ADAMTSL1: variants seen among roughly 807,000 people sequenced by gnomAD.
The protein encoded by ADAMTSL1 is ADAMTS like 1, also known as ADAMTS-like protein 1.
ADAMTSL1 carries 126 observed loss-of-function variants against 201.8 expected under a neutral mutation model. That is an observed-to-expected ratio of 0.62 (90% CI 0.54 to 0.72). The LOEUF is 0.72. ADAMTSL1 is among the 30% of genes least tolerant of loss of function. ADAMTSL1 has a pLI of 0.00. For synonymous variants in ADAMTSL1, 1,121 were observed against 903.4 expected, an observed-to-expected ratio of 1.24 and a Z score of -4.32; for missense variants, 2,679 against 2,277.8, an observed-to-expected ratio of 1.18 and a Z score of -3.59.
chr9:17,938,050 G>A (rs577709729), intron 1 of ADAMTSL1, among the ~76,000 whole-genome samples: 15 of 152,162 alleles, frequency 9.9e-5, no homozygotes, highest in African/African-American at 2.4e-4. Context: ...TGAAATACAC[G>A]TGGGTTTAAA....
At chr9:18,462,460 T>C (rs561993133) in intron 2 of ADAMTSL1, among the ~76,000 whole-genome samples, 1 of 152,288 alleles carries the variant, frequency 6.6e-6, no homozygotes, top group South Asian at 2.1e-4. Flanking sequence ...AGACATTAAA[T>C]ATATAACACA....
At chr9:18,374,651 T>G (rs557108415) in intron 2 of ADAMTSL1, among the ~76,000 whole-genome samples, 1 of 152,324 alleles carries the variant, frequency 6.6e-6, no homozygotes, top group Non-Finnish European at 1.5e-5. Context: ...TTTTTCTTTT[T>G]TAAACATTAT....
chr9:18,602,621 C>T (rs1824737146), intron 4 of ADAMTSL1, among the ~76,000 whole-genome samples: 1 of 152,192 alleles, frequency 6.6e-6, no homozygotes, highest in South Asian at 2.1e-4. Context: ...TCCATCAACC[C>T]TTCCCAGGTT....
intron 1 of ADAMTSL1, among the ~76,000 whole-genome samples, chr9:18,161,842 A>C (rs893675939): frequency 6.6e-6 from 1 of 152,052 alleles, no homozygotes; most frequent in African/African-American, 2.4e-5. Flanking sequence ...GGTTAGCCAG[A>C]AGGCTACATT....
intron 2 of ADAMTSL1, among the ~76,000 whole-genome samples, chr9:18,422,468 A>G (rs998684416): frequency 6.6e-6 from 1 of 151,568 alleles, no homozygotes; most frequent in Non-Finnish European, 1.5e-5. Context: ...TTTGTCATGC[A>G]TTTTTTTTGA....
chr9:18,097,573 A>G (rs1303225080), intron 1 of ADAMTSL1, among the ~76,000 whole-genome samples: 4 of 152,168 alleles, frequency 2.6e-5, no homozygotes, highest in African/African-American at 9.7e-5. Flanking sequence ...CCTTGTTAAT[A>G]CTTCGTGTGG....
rs546594221 is a variant in ADAMTSL1 at position 18,106,079 on chromosome 9, C to G, written c.88-57783C>G. On this transcript the variant is annotated intron_variant, in intron 1 of 29. Transcript: ENST00000680146. ...CTTTCGTCCCTGGGAGCTTCTTGCT[C>G]TGCTTGTTCAAAGCTACCCAATCTA... 5.3e-5 allele frequency among the ~76,000 whole-genome samples: 8 copies of G among 152,278 alleles called. No individual in the cohort carries two copies. In the East Asian group the frequency reaches 1.2e-3, roughly 22 times the overall value.
intron 1 of ADAMTSL1, among the ~76,000 whole-genome samples, chr9:17,972,968 A>G (rs1396705093): frequency 1.3e-5 from 2 of 149,950 alleles, no homozygotes; most frequent in Non-Finnish European, 3.0e-5. Context: ...TCTTCTTTTG[A>G]GAAGTGTGTA....
At chr9:18,060,421 A>G (rs998473628) in intron 1 of ADAMTSL1, among the ~76,000 whole-genome samples, 3 of 152,180 alleles carry the variant, frequency 2.0e-5, no homozygotes, top group African/African-American at 7.2e-5. Context: ...CTTCATTTCA[A>G]AAGTAAATAA....
At chr9:18,452,811 A>T (rs542888417) in intron 2 of ADAMTSL1, among the ~76,000 whole-genome samples, 1 of 152,356 alleles carries the variant, frequency 6.6e-6, no homozygotes, top group South Asian at 2.1e-4. Context: ...TGGGCCGCCA[A>T]GGCCTCACGC....
intron 17 of ADAMTSL1, among the ~76,000 whole-genome samples, chr9:18,773,397 C>A (rs563325785): frequency 4.3e-4 from 65 of 151,720 alleles, no homozygotes; most frequent in East Asian, 3.5e-3. Flanking sequence ...CCTTTCCCCC[C>A]AAAAAAAATT....
intron 3 of ADAMTSL1, among the ~76,000 whole-genome samples, chr9:18,548,516 G>A (rs10810987): frequency 6.6e-6 from 1 of 151,830 alleles, no homozygotes; most frequent in Non-Finnish European, 1.5e-5. Context: ...TCATGTTAAT[G>A]AATCAACAAT....
chr9:18,564,667 G>T (rs1368091096), intron 3 of ADAMTSL1, among the ~76,000 whole-genome samples: 2 of 152,168 alleles, frequency 1.3e-5, no homozygotes, highest in Non-Finnish European at 2.9e-5. Context: ...AAATGAAATT[G>T]TATGCCATGT....
intron 4 of ADAMTSL1, among the ~76,000 whole-genome samples, chr9:18,592,016 A>G (rs1456559957): frequency 6.6e-6 from 1 of 152,196 alleles, no homozygotes; most frequent in Non-Finnish European, 1.5e-5. Context: ...GTCATGAAGA[A>G]AAATTGGGCC....
At chr9:18,188,633 T>C (rs1828841366) in intron 2 of ADAMTSL1, among the ~76,000 whole-genome samples, 1 of 152,282 alleles carries the variant, frequency 6.6e-6, no homozygotes, top group South Asian at 2.1e-4. Flanking sequence ...GGTGAGTTCT[T>C]TATTGACAAA....
chr9:18,518,899 G>T (rs1818520622), intron 2 of ADAMTSL1, among the ~76,000 whole-genome samples: 1 of 152,024 alleles, frequency 6.6e-6, no homozygotes, highest in South Asian at 2.1e-4. Flanking sequence ...GTAGAGACAG[G>T]GTTTCACCAT....
chr9:18,513,027 G>T (rs1818126362), intron 2 of ADAMTSL1, among the ~76,000 whole-genome samples: 1 of 152,178 alleles, frequency 6.6e-6, no homozygotes, highest in African/African-American at 2.4e-5. Flanking sequence ...TTCTACTTTT[G>T]CAGAATTAAG....
intron 2 of ADAMTSL1, among the ~76,000 whole-genome samples, chr9:18,397,838 A>C (rs966105659): frequency 2.0e-5 from 3 of 152,178 alleles, no homozygotes; most frequent in Non-Finnish European, 4.4e-5. Context: ...GTCCTACTCC[A>C]AACTGGATTT....
chr9:18,376,091 C>G lies in ADAMTSL1; in HGVS notation c.208-128738C>G, dbSNP rs116186857. 5.9e-3 allele frequency among the ~76,000 whole-genome samples: 899 copies of G among 152,330 alleles called. 11 individuals carry two copies. The highest frequency in any genetic ancestry group is 0.021 in the African/African-American group (867 of 41,570). On this transcript the variant is annotated intron_variant, in intron 2 of 29. Transcript: ENST00000680146. ...GACCCAGAAGTCCAGCTGGCTTCAC[C>G]TTTCACTTCTTCTGTTCCAGAAATA...
Sources: allele counts gnomAD v4.1 joint callset (sites outside exome capture counted in the v4.1 genomes callset), GRCh38; gene constraint gnomAD v4.1.1; transcripts MANE v1.5; gene names NCBI Gene and HGNC (gene_info 2026-07-23, HGNC 2026-07-21).